The following COX20 variants were observed in gnomAD, a reference collection of about 807,000 sequenced individuals.
The protein encoded by COX20 is cytochrome c oxidase assembly factor COX20.
In COX20, 14 loss-of-function variants were observed where a neutral mutation model predicts 14.3. That is an observed-to-expected ratio of 0.98 (90% CI 0.65 to 1.53). The LOEUF (loss-of-function observed/expected upper bound fraction) is 1.53. COX20 is among the 40% of genes most tolerant of loss of function. The pLI is 0.00. For synonymous variants in COX20, 56 were observed against 51.7 expected (o/e 1.08, Z -0.36); for missense variants, 149 against 142.1 (o/e 1.05, Z -0.25).
Position 244,844,717 on chromosome 1 carries a change from A to G in COX20, c.*1541A>G, listed in dbSNP as rs1680358244. The G allele has an allele frequency of 6.6e-6, 1 of 151,826 alleles. No homozygotes were observed. Among genetic ancestry groups the G allele is most frequent in the Non-Finnish European group, 1.5e-5 (1 of 68,042 alleles). 9.4% of individuals were successfully genotyped at this position (151,826 alleles called of 1,614,324 possible). On this transcript the variant is annotated 3_prime_UTR_variant, in exon 4 of 4. Transcript: ENST00000411948. Reference sequence around the variant, plus strand: ...CAGGCGGAGGTTGCAGTAAGCCAAGATCGCGCCATTGCACTCTAGCCTAGG... The same window carrying G: ...CAGGCGGAGGTTGCAGTAAGCCAAGGTCGCGCCATTGCACTCTAGCCTAGG...
In COX20 at chr1:244,843,154, A is replaced by AC; in HGVS notation, c.336dup (p.Asn113GlnfsTer20). The stretch of plus-strand genomic sequence containing the variant: ...ACCCACCTCGATCCTGAAAGAAAAC[A>AC]CAACGGCAGCAGCAGCAATTGAACA... On this transcript the variant is annotated frameshift_variant, in exon 4 of 4. Coordinates refer to ENST00000411948, the MANE Select transcript of COX20 (RefSeq NM_198076.6). LOFTEE classifies it high-confidence loss of function. 1 of 1,591,476 alleles carries AC rather than the reference A, an allele frequency of 6.3e-7. No individual in the cohort carries two copies. The highest frequency in any genetic ancestry group is 8.5e-7 in the Non-Finnish European group (1 of 1,173,916).
intron 3 of COX20, chr1:244,842,508 C>A (rs1182668048): frequency 8.6e-6 from 4 of 465,424 alleles, no homozygotes; most frequent in African/African-American, 1.9e-5. Flanking sequence ...TTCCCTTACC[C>A]TAATACTTAT....
At chr1:244,843,014 AATTT>A (rs778454364) in intron 3 of COX20, 23 bp from the exon 4 acceptor site, 2 of 1,471,308 alleles carry the variant, frequency 1.4e-6, no homozygotes, top group Non-Finnish European at 1.8e-6. Flanking sequence ...TTATATTAAC[AATTT>A]ATTCATATTC....
At chr1:244,835,836 G>A (rs1317184157) in intron 1 of COX20, 80 bp downstream of exon 1, 2 of 1,069,044 alleles carry the variant, frequency 1.9e-6, no homozygotes, top group Non-Finnish European at 2.4e-6. Context: ...TAGGCCCGGA[G>A]CACGTGTCAC....
chr1:244,836,542 C>A, intron 1 of COX20: 1 of 1,546,044 alleles, frequency 6.5e-7, no homozygotes. Context: ...TCTTGTTTTC[C>A]TCTTTTCCTG....
At chr1:244,835,613 GC>G, upstream of COX20, 1 of 918,288 alleles carries the variant, frequency 1.1e-6, no homozygotes, top group Non-Finnish European at 1.4e-6. Context: ...AGGGCGGGAG[GC>G]GGCGGCGCGT....
chr1:244,843,302 T>C lies in COX20; in HGVS notation c.*126T>C. On this transcript the variant is annotated 3_prime_UTR_variant, in exon 4 of 4. Transcript: ENST00000411948. Reference sequence around the variant, plus strand: ...TGTAGTCATTTTTTTCCCACACTTGTGTGGAATGAAAACTTGCCAGTTTAT... The same window carrying C: ...TGTAGTCATTTTTTTCCCACACTTGCGTGGAATGAAAACTTGCCAGTTTAT... 1 of 1,170,512 alleles carries C rather than the reference T, an allele frequency of 8.5e-7. No individual in the cohort carries two copies. The highest frequency in any genetic ancestry group is 1.2e-6 in the Non-Finnish European group (1 of 833,582). 72.5% of individuals were successfully genotyped at this position (1,170,512 alleles called of 1,614,324 possible).
Position 244,835,686 on chromosome 1 carries a change from A to T in COX20, c.-29A>T. On this transcript the variant is annotated 5_prime_UTR_variant, in exon 1 of 4. Transcript: ENST00000411948. ...TCTGCTTCCGCGACCCCGGCGGTGC[A>T]GGGCGGGTGGAGTCGCGGAGTAGTC... The T allele has an allele frequency of 2.4e-6, 3 of 1,239,300 alleles. No individual in the cohort carries two copies. Among genetic ancestry groups the T allele is most frequent in the Non-Finnish European group, 2.0e-6 (2 of 990,482 alleles). The allele number at this position is 1,239,300 out of a possible 1,614,324, so 76.8% of individuals were successfully genotyped here. A position where few individuals can be genotyped will look rare whatever the true frequency, so the allele number is the denominator to read the frequency against.
upstream of COX20, chr1:244,835,572 T>G (rs1448167080): frequency 1.9e-6 from 1 of 517,226 alleles, no homozygotes; most frequent in African/African-American, 2.0e-5. Context: ...GTTAGGAACA[T>G]TCCCTAAAAT....
At chr1:244,839,096 T>C (rs1172266257) in intron 1 of COX20, among the ~76,000 whole-genome samples, 1 of 152,088 alleles carries the variant, frequency 6.6e-6, no homozygotes, top group Non-Finnish European at 1.5e-5. Context: ...CCAAGAGGGC[T>C]GATAGTAAAT....
rs763524812 is a variant in COX20 at position 244,842,180 on chromosome 1, T to G, written c.158-15T>G. ...GTAATTATATTCTAATTAATTGTTA[T>G]GCTTATTTTTACAGGTAGAATTAGA... On this transcript the variant is annotated splice_polypyrimidine_tract_variant and intron_variant, in intron 2 of 3. Transcript: ENST00000411948. 2 of 1,570,608 alleles carry G rather than the reference T, an allele frequency of 1.3e-6. No homozygotes were observed. Among genetic ancestry groups the G allele is most frequent in the South Asian group, 1.1e-5 (1 of 90,108 alleles).
At chr1:244,836,086 ATAG>A (rs931671448) in intron 1 of COX20, among the ~76,000 whole-genome samples, 2 of 152,224 alleles carry the variant, frequency 1.3e-5, no homozygotes, top group Admixed American at 6.5e-5. Flanking sequence ...GTAAAGGCTA[ATAG>A]TAGAGATTAA....
Position 244,835,662 on chromosome 1 carries a change from C to A in COX20, c.-53C>A. The stretch of plus-strand genomic sequence containing the variant: ...GGGAGGGGCGCGGCCAGCCGGGCTT[C>A]TGCTTCCGCGACCCCGGCGGTGCAG... On this transcript the variant is annotated 5_prime_UTR_variant, in exon 1 of 4. The change creates a new upstream start codon in the 5' untranslated region. Coordinates refer to ENST00000411948, the MANE Select transcript of COX20 (RefSeq NM_198076.6). 1 of 1,229,604 alleles carries A rather than the reference C, an allele frequency of 8.1e-7. No homozygotes were observed. Among genetic ancestry groups the A allele is most frequent in the Non-Finnish European group, 1.0e-6 (1 of 983,156 alleles). 76.2% of individuals were successfully genotyped at this position (1,229,604 alleles called of 1,614,324 possible).
At chr1:244,838,987 G>A (rs1297315229) in intron 1 of COX20, among the ~76,000 whole-genome samples, 1 of 152,098 alleles carries the variant, frequency 6.6e-6, no homozygotes, top group African/African-American at 2.4e-5. Flanking sequence ...ACAGGGTTTT[G>A]CCATGTTGGC....
intron 1 of COX20, among the ~76,000 whole-genome samples, chr1:244,836,319 G>A (rs1679982564): frequency 6.6e-6 from 1 of 152,062 alleles, no homozygotes; most frequent in Non-Finnish European, 1.5e-5. Context: ...CCTGTAAACT[G>A]GACAGTTTTC....
In COX20 at chr1:244,842,197, A is replaced by G. The variant is rs149854389; in HGVS notation, c.160A>G (p.Arg54Gly). ...AGFGHFLFTS[R>G]IRRSCDVGVG... The stretch of plus-strand genomic sequence containing the variant: ...AATTGTTATGCTTATTTTTACAGGT[A>G]GAATTAGAAGATCATGTGATGTTGG... Residue 54 changes from arginine to glycine, a missense_variant and splice_region_variant, in exon 3 of 4, where the codon AGA becomes GGA. By Grantham distance (125) the Arg-to-Gly change is moderately radical. Coordinates refer to ENST00000411948, the MANE Select transcript of COX20 (RefSeq NM_198076.6). 18 of 1,600,360 alleles carry G rather than the reference A, an allele frequency of 1.1e-5. No individual in the cohort carries two copies. In the African/African-American group the frequency reaches 1.6e-4, roughly 14 times the overall value.
At position 244,842,875 on chromosome 1, in the gene COX20, T is replaced by C. The variant is rs1276319596; in HGVS notation, c.222-166T>C. 5.9e-6 allele frequency: 3 copies of C among 507,478 alleles called. No homozygotes were observed. In the African/African-American group the frequency reaches 6.1e-5, roughly 10 times the overall value. The allele number at this position is 507,478 out of a possible 1,614,324, so 31.4% of individuals were successfully genotyped here. A position where few individuals can be genotyped will look rare whatever the true frequency, so the allele number is the denominator to read the frequency against. ...AAAAAAAGAATGTGTTGATAGGTAT[T>C]CTGACACCAAAACTGCCCAAAAATA... On this transcript the variant is annotated intron_variant, in intron 3 of 3. Transcript: ENST00000411948.
intron 1 of COX20, chr1:244,836,363 A>G: frequency 1.3e-6 from 1 of 767,474 alleles, no homozygotes; most frequent in Non-Finnish European, 2.2e-6. Context: ...GTAGCAGCCC[A>G]TCCTATCTCT....
At chr1:244,839,927 G>T (rs1415320002) in intron 1 of COX20, 3 of 152,062 alleles carry the variant, frequency 2.0e-5, no homozygotes, top group Non-Finnish European at 2.9e-5. Flanking sequence ...CTCACACAAA[G>T]GCTAGAGAAT....
Sources: gnomAD v4.1 joint callset for allele counts (sites outside exome capture counted in the v4.1 genomes callset) on GRCh38, gnomAD v4.1.1 for gene constraint, MANE v1.5 for transcripts, NCBI Gene and HGNC (gene_info 2026-07-23, HGNC 2026-07-21) for gene names.